The following NPIPB2 variants were observed in gnomAD, a reference collection of about 807,000 sequenced individuals.
NPIPB2 encodes nuclear pore complex-interacting protein family member B2.
In NPIPB2, 27 loss-of-function variants were observed where a neutral mutation model predicts 30.8. That is an observed-to-expected ratio of 0.88 (90% CI 0.65 to 1.21). The LOEUF is 1.21. Ranked by LOEUF, NPIPB2 falls within the 50% of genes most tolerant of loss-of-function variation. The pLI is 0.00. For synonymous variants in NPIPB2, 147 were observed against 162.0 expected (o/e 0.91, Z 0.70); for missense variants, 440 against 446.2 (o/e 0.99, Z 0.13).
intron 1 of NPIPB2, among the ~76,000 whole-genome samples, chr16:11,939,142 CTAAA>C (rs1323713472): frequency 1.3e-5 from 2 of 151,750 alleles, no homozygotes; most frequent in African/African-American, 4.8e-5. Flanking sequence ...AAGAATCCCT[CTAAA>C]TAATACTTCT....
upstream of NPIPB2, among the ~76,000 whole-genome samples, chr16:11,942,700 G>T (rs1281390112): frequency 3.3e-5 from 5 of 151,326 alleles, no homozygotes; most frequent in African/African-American, 1.2e-4. Context: ...TACCCAGAGG[G>T]CTTGGCAGCA....
intron 1 of NPIPB2, among the ~76,000 whole-genome samples, chr16:11,948,699 A>G (rs899784076): frequency 6.5e-5 from 9 of 137,936 alleles, no homozygotes; most frequent in Non-Finnish European, 7.8e-5. Context: ...CCCGGGAGGC[A>G]GAGCTTGCAG....
chr16:11,944,968 C>A (rs1320138623), upstream of NPIPB2, among the ~76,000 whole-genome samples: 1 of 150,892 alleles, frequency 6.6e-6, no homozygotes, highest in Non-Finnish European at 1.5e-5. Flanking sequence ...CACCTGAGGT[C>A]GGGAGTTCAA....
At chr16:11,933,645 C>A (rs1477589962) in exon 4 of NPIPB2, 5 of 1,596,780 alleles carry the variant, frequency 3.1e-6, no homozygotes, top group Admixed American at 1.7e-5. Flanking sequence ...TGACGTCTTT[C>A]AGGCCAATTT....
rs1407208636 is a variant in NPIPB2, at chr16:11,975,389, C to T, written c.-584+1179G>A. ...GTCTCGATCTCCTGACCTCGTGATC[C>T]GCCCGCCTCGGCCTCCCAAAGTGCT... On this transcript the variant is annotated intron_variant, in intron 1 of 5. Coordinates refer to the NPIPB2 transcript ENST00000538896. Among the ~76,000 whole-genome samples the T allele has an allele frequency of 9.3e-5, 14 of 151,012 alleles. 1 individual carries two copies. Among genetic ancestry groups the T allele is most frequent in the Middle Eastern group, 6.8e-3 (2 of 294 alleles).
chr16:11,947,689 GA>G (rs2055025557), intron 1 of NPIPB2, among the ~76,000 whole-genome samples: 1 of 151,850 alleles, frequency 6.6e-6, no homozygotes, highest in African/African-American at 2.4e-5. Flanking sequence ...AATTCTAGAT[GA>G]AAAAAATAAA....
intron 1 of NPIPB2, among the ~76,000 whole-genome samples, chr16:11,959,597 A>T (rs1474118874): frequency 6.6e-6 from 1 of 152,084 alleles, no homozygotes; most frequent in Non-Finnish European, 1.5e-5. Flanking sequence ...CAAAAAAAAA[A>T]ATCATATTAT....
rs2055156624 is a variant in NPIPB2, at chr16:11,962,108, G to A, written c.-584+14460C>T. Among the ~76,000 whole-genome samples the A allele has an allele frequency of 1.3e-5, 2 of 151,088 alleles. 1 individual carries two copies. Among genetic ancestry groups the A allele is most frequent in the South Asian group, 4.2e-4 (2 of 4,774 alleles). On this transcript the variant is annotated intron_variant, in intron 1 of 5. Coordinates refer to the NPIPB2 transcript ENST00000538896. Reference sequence around the variant, plus strand: ...AGCTACTCAGGAGGCTGAGGTGGGAGGATCGCTTAAGCCCAGAAGGTGGAG... The same window carrying A: ...AGCTACTCAGGAGGCTGAGGTGGGAAGATCGCTTAAGCCCAGAAGGTGGAG...
intron 1 of NPIPB2, among the ~76,000 whole-genome samples, chr16:11,940,565 C>A (rs1266947404): frequency 0.29 from 19,613 of 68,100 alleles, 3,379 homozygotes; most frequent in African/African-American, 0.49. Flanking sequence ...GGTGAAACCC[C>A]GTCTCTACTA....
chr16:11,973,409 G>A (rs1422135047), intron 1 of NPIPB2, among the ~76,000 whole-genome samples: 1 of 152,034 alleles, frequency 6.6e-6, no homozygotes, highest in African/African-American at 2.4e-5. Context: ...GGGGGCCAAG[G>A]GGAAAACTTC....
chr16:11,967,829 A>G (rs1251565516), intron 1 of NPIPB2: 1 of 1,613,924 alleles, frequency 6.2e-7, no homozygotes, highest in Non-Finnish European at 8.5e-7. Context: ...AGATAGAGAA[A>G]TCAATTTCTG....
At chr16:11,973,441 C>T (rs1346834004) in intron 1 of NPIPB2, among the ~76,000 whole-genome samples, 1 of 152,096 alleles carries the variant, frequency 6.6e-6, no homozygotes, top group Admixed American at 6.6e-5. Flanking sequence ...TTGAAAGTTG[C>T]TGAAAAATCA....
chr16:11,967,730 C>T (rs750169105), intron 1 of NPIPB2: 22 of 1,614,090 alleles, frequency 1.4e-5, no homozygotes, highest in East Asian at 2.2e-5. Flanking sequence ...GCTTTCCACT[C>T]CCAGCTATGG....
chr16:11,968,833 A>G (rs1319135599), intron 1 of NPIPB2: 2 of 151,600 alleles, frequency 1.3e-5, no homozygotes, highest in Non-Finnish European at 2.9e-5. Context: ...AAAAAACAGC[A>G]TTCTGTAGAT....
intron 1 of NPIPB2, among the ~76,000 whole-genome samples, chr16:11,954,801 G>A (rs889488036): frequency 1.3e-5 from 2 of 151,692 alleles, no homozygotes; most frequent in South Asian, 2.1e-4. Flanking sequence ...CCAGCTACTC[G>A]GGAGGCTGAG....
intron 1 of NPIPB2, among the ~76,000 whole-genome samples, chr16:11,970,930 T>A (rs1344443913): frequency 6.6e-6 from 1 of 151,500 alleles, no homozygotes; most frequent in Non-Finnish European, 1.5e-5. Flanking sequence ...CTTGGCTCAC[T>A]GCAGCCTCGA....
rs550711595 is a variant in NPIPB2 at position 11,941,329 on chromosome 16, G to A, written c.63+654C>T. 166 of 570,790 alleles carry A rather than the reference G, an allele frequency of 2.9e-4. 1 individual carries two copies. Among genetic ancestry groups the A allele is most frequent in the South Asian group, 1.2e-3 (70 of 57,832 alleles). 35.4% of individuals were successfully genotyped at this position (570,790 alleles called of 1,614,324 possible). A position where few individuals can be genotyped will look rare whatever the true frequency, so the allele number is the denominator to read the frequency against. On this transcript the variant is annotated intron_variant, in intron 1 of 7. Transcript: ENST00000399147. ...AGGGGGAGGGAAGGGGACAGGGACCGGGCCGGATCTGAGTTGGGGAGGGGG... is the reference window on the plus strand; with the variant it reads ...AGGGGGAGGGAAGGGGACAGGGACCAGGCCGGATCTGAGTTGGGGAGGGGG...
intron 1 of NPIPB2, among the ~76,000 whole-genome samples, chr16:11,959,053 G>A (rs2055135683): frequency 1.3e-5 from 2 of 152,292 alleles, no homozygotes; most frequent in South Asian, 4.1e-4. Flanking sequence ...GGGCAGCCAA[G>A]CATTTGGTGC....
upstream of NPIPB2, among the ~76,000 whole-genome samples, chr16:11,943,870 C>T (rs1020087421): frequency 6.7e-5 from 10 of 149,950 alleles, no homozygotes; most frequent in African/African-American, 2.2e-4. Context: ...TGGTGGCGGG[C>T]GCCTGTAATC....
Sources: allele counts gnomAD v4.1 joint callset (sites outside exome capture counted in the v4.1 genomes callset), GRCh38; gene constraint gnomAD v4.1.1; transcripts MANE v1.5; gene names NCBI Gene and HGNC (gene_info 2026-07-23, HGNC 2026-07-21).